NFIB: variants seen among roughly 807,000 people sequenced by gnomAD.
NFIB encodes the protein nuclear factor I B, also known as nuclear factor 1 B-type.
In NFIB, 11 loss-of-function variants were observed where a neutral mutation model predicts 61.5. The ratio of observed to expected loss-of-function variants is 0.18; its 90% confidence interval spans 0.11 to 0.30. The LOEUF is 0.30. NFIB is among the 10% of genes least tolerant of loss of function. The probability of loss-of-function intolerance (pLI) is 1.00; values close to 1 mark genes in which losing one functional copy is unlikely to be tolerated. For missense variants in NFIB, 471 were observed against 608.9 expected (o/e 0.77, Z 2.38); for synonymous variants, 260 against 216.5 (o/e 1.20, Z -1.76).
At chr9:14,290,634 G>T (rs1412773791) in intron 2 of NFIB, among the ~76,000 whole-genome samples, 1 of 151,958 alleles carries the variant, frequency 6.6e-6, no homozygotes, top group Non-Finnish European at 1.5e-5. Context: ...AATTCACATG[G>T]TTTTATTTTA....
intron 2 of NFIB, among the ~76,000 whole-genome samples, chr9:14,206,695 CAAAAAAAAA>C (rs889983433): frequency 0.12 from 8,587 of 71,384 alleles, 456 homozygotes; most frequent in South Asian, 0.37. Context: ...ACATGCTTTA[CAAAAAAAAA>C]AAAAAAAAAA....
chr9:14,251,265 T>C (rs1054158757), intron 2 of NFIB, among the ~76,000 whole-genome samples: 13 of 152,230 alleles, frequency 8.5e-5, no homozygotes, highest in African/African-American at 3.1e-4. Flanking sequence ...TCTGATTGCA[T>C]ACCAACACAT....
At chr9:14,401,249 A>G (rs2061740318), upstream of NFIB, among the ~76,000 whole-genome samples, 1 of 152,206 alleles carries the variant, frequency 6.6e-6, no homozygotes, top group African/African-American at 2.4e-5. Flanking sequence ...GCCTCTTGAC[A>G]TTCACTGAGT....
chr9:14,348,723 C>G (rs1234517162), intron 1 of NFIB, among the ~76,000 whole-genome samples: 1 of 152,220 alleles, frequency 6.6e-6, no homozygotes, highest in East Asian at 1.9e-4. Context: ...GAGCAGCGGA[C>G]AGTCAGCTGC....
chr9:14,299,759 C>G (rs1443005080), intron 2 of NFIB, among the ~76,000 whole-genome samples: 1 of 152,156 alleles, frequency 6.6e-6, no homozygotes, highest in Non-Finnish European at 1.5e-5. Flanking sequence ...TTTAAGCTAT[C>G]ATCATAAACA....
At chr9:14,174,547 C>G (rs894868447) in intron 3 of NFIB, among the ~76,000 whole-genome samples, 5 of 151,896 alleles carry the variant, frequency 3.3e-5, no homozygotes, top group African/African-American at 1.2e-4. Context: ...GCGGGTGGAT[C>G]ACGAGGTTAG....
At chr9:14,431,291 G>C in the NFIB span, among the ~76,000 whole-genome samples, 1 of 152,126 alleles carries the variant, frequency 6.6e-6, no homozygotes, top group Admixed American at 6.5e-5. Context: ...ACTTGGACAT[G>C]GATCTGGCCA....
the NFIB span, among the ~76,000 whole-genome samples, chr9:14,468,476 C>A: frequency 7.2e-5 from 11 of 152,150 alleles, no homozygotes; most frequent in African/African-American, 2.7e-4. Context: ...TTAGCTGGTA[C>A]CCAGGTTGGG....
chr9:14,177,789 C>T (rs1457509046), intron 3 of NFIB, among the ~76,000 whole-genome samples: 19 of 152,106 alleles, frequency 1.2e-4, no homozygotes, highest in Non-Finnish European at 4.4e-5. Context: ...TAGAGGTGTT[C>T]TACCTTGGTT....
intron 2 of NFIB, 27 bp downstream of exon 2, chr9:14,306,961 GC>G: frequency 1.2e-6 from 2 of 1,609,404 alleles, no homozygotes; most frequent in Non-Finnish European, 1.7e-6. Flanking sequence ...TGTTTGCCGT[GC>G]TAGAAAAAAG....
chr9:14,143,991 A>AGTGTGTGTGTATGTGT (rs2042021155), intron 6 of NFIB, among the ~76,000 whole-genome samples: 1 of 134,150 alleles, frequency 7.5e-6, no homozygotes, highest in Non-Finnish European at 1.6e-5. Flanking sequence ...AAAGTGACAG[A>AGTGTGTGTGTATGTGT]GTGTGTGTGT....
In NFIB at chr9:14,120,768, C is replaced by T. The variant is rs1035126947; in HGVS notation, c.1061-144G>A. On this transcript the variant is annotated intron_variant, in intron 7 of 10. Coordinates refer to ENST00000380953, the MANE Select transcript of NFIB (RefSeq NM_001190737.2). This position sits in a 1 kb window ranked among gnomAD's most constrained non-coding sequence, Gnocchi z 4.4. Reference sequence around the variant, plus strand: ...ATTTAACCAAGCTCTCCTAAATCAACAGTTACTTTTTCATTTTTATTCTCA... The same window carrying T: ...ATTTAACCAAGCTCTCCTAAATCAATAGTTACTTTTTCATTTTTATTCTCA... 1.3e-6 allele frequency: 1 copy of T among 776,858 alleles called. No homozygotes were observed. The highest frequency in any genetic ancestry group is 2.0e-6 in the Non-Finnish European group (1 of 499,628). The allele number at this position is 776,858 out of a possible 1,614,324, so 48.1% of individuals were successfully genotyped here. A position where few individuals can be genotyped will look rare whatever the true frequency, so the allele number is the denominator to read the frequency against.
the NFIB span, among the ~76,000 whole-genome samples, chr9:14,530,269 C>A: frequency 1.3e-5 from 2 of 152,098 alleles, no homozygotes; most frequent in East Asian, 3.9e-4. Context: ...CAAGCATCTG[C>A]CAGTTGATTT....
At chr9:14,459,528 A>C in the NFIB span, among the ~76,000 whole-genome samples, 2 of 152,190 alleles carry the variant, frequency 1.3e-5, no homozygotes, top group South Asian at 2.1e-4. Context: ...GGATCTAATT[A>C]AACTAAAGAG....
intron 1 of NFIB, among the ~76,000 whole-genome samples, chr9:14,376,229 T>C (rs570047780): frequency 6.6e-6 from 1 of 152,330 alleles, no homozygotes; most frequent in East Asian, 1.9e-4. Flanking sequence ...CAGTTTAAGC[T>C]ATGGAACTTT....
At chr9:14,298,427 C>T (rs183327801) in intron 2 of NFIB, among the ~76,000 whole-genome samples, 4 of 152,096 alleles carry the variant, frequency 2.6e-5, no homozygotes, top group East Asian at 1.9e-4. Context: ...CAACCTCAGA[C>T]GAGTGTGGAA....
chr9:14,162,275 T>G (rs1407866379), intron 3 of NFIB, among the ~76,000 whole-genome samples: 1 of 152,090 alleles, frequency 6.6e-6, no homozygotes, highest in Non-Finnish European at 1.5e-5. Context: ...TCTGAAAAAG[T>G]ACTCACTTAT....
chr9:14,150,447 G>A (rs113527341), intron 4 of NFIB, among the ~76,000 whole-genome samples, 182 bp from the exon 5 acceptor site: 13 of 152,126 alleles, frequency 8.5e-5, no homozygotes, highest in Admixed American at 6.6e-5. Flanking sequence ...CCTTAGCAAC[G>A]TTCAAGCTTG....
chr9:14,466,424 G>C, the NFIB span, among the ~76,000 whole-genome samples: 2 of 152,166 alleles, frequency 1.3e-5, 1 homozygote, highest in South Asian at 4.2e-4. Flanking sequence ...GGAAGGTCTA[G>C]GAACACGGCA....
Sources: allele counts gnomAD v4.1 joint callset (sites outside exome capture counted in the v4.1 genomes callset), GRCh38; gene constraint gnomAD v4.1.1; non-coding constraint Gnocchi (gnomAD v3.1); transcripts MANE v1.5; gene names NCBI Gene and HGNC (gene_info 2026-07-23, HGNC 2026-07-21).